SLC13A4: variants seen among roughly 807,000 people sequenced by gnomAD.
SLC13A4 encodes the protein solute carrier family 13 member 4.
Under a neutral mutation model 72.7 loss-of-function variants are expected in SLC13A4, and 28 were observed. The ratio of observed to expected loss-of-function variants is 0.39; its 90% confidence interval spans 0.29 to 0.53. SLC13A4 has a LOEUF of 0.53. SLC13A4 is among the 20% of genes least tolerant of loss of function. The probability of loss-of-function intolerance (pLI) is 0.78; values close to 1 mark genes in which losing one functional copy is unlikely to be tolerated. For synonymous variants in SLC13A4, 312 were observed against 325.5 expected (o/e 0.96, Z 0.45); for missense variants, 653 against 788.0 (o/e 0.83, Z 2.05).
rs921183664 is a variant in SLC13A4, at chr7:135,708,379, G to C, written c.229-129C>G. ...AAAGAGGCTGGCGAAGGGGAGGCAG[G>C]GGGGTGAGGATTATTGAAATAGCCG... On this transcript the variant is annotated intron_variant, in intron 2 of 15. Coordinates refer to ENST00000682651, the MANE Select transcript of SLC13A4 (RefSeq NM_001318192.2). 4.8e-5 allele frequency: 61 copies of C among 1,283,308 alleles called. 1 individual carries two copies. In the South Asian group the frequency reaches 6.1e-4, roughly 13 times the overall value. 79.5% of individuals were successfully genotyped at this position (1,283,308 alleles called of 1,614,324 possible). A position where few individuals can be genotyped will look rare whatever the true frequency, so the allele number is the denominator to read the frequency against.
At chr7:135,712,461 TAAA>T (rs539587817) in intron 2 of SLC13A4, among the ~76,000 whole-genome samples, 3 of 122,966 alleles carry the variant, frequency 2.4e-5, no homozygotes, top group Admixed American at 8.4e-5. Flanking sequence ...TTTTCTCATC[TAAA>T]AAAAAAAAAA....
rs1212328569 is a variant in SLC13A4, at chr7:135,720,146, G to A, written c.228+1249C>T. Among the ~76,000 whole-genome samples, 6 of 152,034 alleles carry A rather than the reference G, an allele frequency of 3.9e-5. No homozygotes were observed. In the East Asian group the frequency reaches 9.6e-4, roughly 24 times the overall value. ...GTCCATTAAAGCATCCATAGGCCCCGCTCCATTCTTCCTCATATCACAGAA... is the reference window on the plus strand; with the variant it reads ...GTCCATTAAAGCATCCATAGGCCCCACTCCATTCTTCCTCATATCACAGAA... On this transcript the variant is annotated intron_variant, in intron 2 of 15. Transcript: ENST00000682651.
In SLC13A4 at chr7:135,703,277, G is replaced by A. The variant is rs896797641; in HGVS notation, c.594-393C>T. 5 of 193,532 alleles carry A rather than the reference G, an allele frequency of 2.6e-5. No homozygotes were observed. In the South Asian group the frequency reaches 3.2e-4, roughly 12 times the overall value. 12.0% of individuals were successfully genotyped at this position (193,532 alleles called of 1,614,324 possible). On this transcript the variant is annotated intron_variant, in intron 5 of 15. Transcript: ENST00000682651. The stretch of plus-strand genomic sequence containing the variant: ...CCAGTACTTAGCACGGGGATGCTAA[G>A]TGGCAGAGGAGGGTAGGAGTCCAGG...
chr7:135,691,161 C>CAAAA, intron 13 of SLC13A4, 40 bp downstream of exon 13: 35 of 1,183,148 alleles, frequency 3.0e-5, no homozygotes, highest in East Asian at 6.1e-5. Context: ...AAGACTGTCT[C>CAAAA]AAAAAAAAAA....
At chr7:135,710,274 A>C (rs1000357611) in intron 2 of SLC13A4, among the ~76,000 whole-genome samples, 1 of 152,196 alleles carries the variant, frequency 6.6e-6, no homozygotes, top group Admixed American at 6.5e-5. Context: ...GCATATTGGG[A>C]GGATGGTAGA....
At chr7:135,700,152 C>A (rs992727775) in intron 7 of SLC13A4, among the ~76,000 whole-genome samples, 3 of 152,126 alleles carry the variant, frequency 2.0e-5, no homozygotes. Context: ...TTATTTCCTC[C>A]TTCCCTTCCT....
chr7:135,687,911 A>G (rs1335965522), intron 13 of SLC13A4, among the ~76,000 whole-genome samples: 3 of 152,082 alleles, frequency 2.0e-5, no homozygotes, highest in Non-Finnish European at 2.9e-5. Context: ...CCCGGGTCCA[A>G]ATGATTCTCA....
chr7:135,686,809 C>T (rs967090009), intron 13 of SLC13A4, among the ~76,000 whole-genome samples: 4 of 152,158 alleles, frequency 2.6e-5, no homozygotes, highest in Non-Finnish European at 5.9e-5. Flanking sequence ...GTAATACCAG[C>T]ACTTTAGGAG....
chr7:135,710,941 G>A (rs1465689774), intron 2 of SLC13A4, among the ~76,000 whole-genome samples: 6 of 146,496 alleles, frequency 4.1e-5, no homozygotes, highest in Non-Finnish European at 7.5e-5. Context: ...TGGACAGCTT[G>A]TGACTCCGTG....
chr7:135,711,050 G>A (rs1020903531), intron 2 of SLC13A4, among the ~76,000 whole-genome samples: 1 of 152,174 alleles, frequency 6.6e-6, no homozygotes, highest in Admixed American at 6.5e-5. Context: ...CTGCAGGATT[G>A]TCCTAGGGAA....
chr7:135,702,778 T>A, intron 6 of SLC13A4, 67 bp downstream of exon 6: 2 of 1,336,808 alleles, frequency 1.5e-6, no homozygotes, highest in Non-Finnish European at 2.2e-6. Flanking sequence ...GAATCTTGGG[T>A]TTCCATGAAG....
At chr7:135,685,058 A>G (rs1795591178) in intron 14 of SLC13A4, among the ~76,000 whole-genome samples, 1 of 152,160 alleles carries the variant, frequency 6.6e-6, no homozygotes, top group East Asian at 1.9e-4. Flanking sequence ...CCCGGAGGAC[A>G]GTGAAACTCA....
In SLC13A4 at chr7:135,711,963, A is replaced by ATTTTTTTTTTT. The variant is rs529940903; in HGVS notation, c.229-3724_229-3714dup. 1.3e-4 allele frequency among the ~76,000 whole-genome samples: 6 copies of ATTTTTTTTTTT among 46,900 alleles called. 1 individual carries two copies. Among genetic ancestry groups the ATTTTTTTTTTT allele is most frequent in the African/African-American group, 2.2e-4 (3 of 13,486 alleles). The allele number at this position is 46,900 out of a possible 152,430, so 30.8% of individuals were successfully genotyped here. ...CACTACACCTGGCTAATGTTTTTGG[A>ATTTTTTTTTTT]TTTTTTTTTTTTTTTTTTTTTTTTT... On this transcript the variant is annotated intron_variant, in intron 2 of 15. Coordinates refer to ENST00000682651, the MANE Select transcript of SLC13A4 (RefSeq NM_001318192.2).
intron 13 of SLC13A4, among the ~76,000 whole-genome samples, chr7:135,687,459 C>CAGTA (rs1795658237): frequency 6.6e-6 from 1 of 152,256 alleles, no homozygotes; most frequent in South Asian, 2.1e-4. Context: ...TTCATCTCTA[C>CAGTA]AGTACCCTGG....
intron 5 of SLC13A4, chr7:135,703,761 C>G (rs574920383): frequency 6.6e-6 from 1 of 152,246 alleles, no homozygotes; most frequent in Non-Finnish European, 1.5e-5. Context: ...GTGGGTCCTG[C>G]GGCCATGGTC....
At chr7:135,685,806 T>A in intron 13 of SLC13A4, 123 bp from the exon 14 acceptor site, 3 of 853,168 alleles carry the variant, frequency 3.5e-6, no homozygotes, top group Non-Finnish European at 5.6e-6. Flanking sequence ...TGATCTTTAG[T>A]CTGACTGGAA....
rs147600698 is a variant in SLC13A4, at chr7:135,707,793, A to G, written c.365+321T>C. 5.2e-3 allele frequency: 1,124 copies of G among 216,964 alleles called. 12 individuals carry two copies. Among genetic ancestry groups the G allele is most frequent in the African/African-American group, 0.024 (1,038 of 44,168 alleles). The allele number at this position is 216,964 out of a possible 1,614,324, so 13.4% of individuals were successfully genotyped here. On this transcript the variant is annotated intron_variant, in intron 3 of 15. Coordinates refer to ENST00000682651, the MANE Select transcript of SLC13A4 (RefSeq NM_001318192.2). The stretch of plus-strand genomic sequence containing the variant: ...CGGTCCAGCCTGTTCCCTGATACAC[A>G]GGAAACAGGTTGGGAAACAATTTCT...
intron 2 of SLC13A4, among the ~76,000 whole-genome samples, chr7:135,716,455 C>G: frequency 6.6e-6 from 1 of 152,144 alleles, no homozygotes; most frequent in Admixed American, 6.5e-5. Context: ...CAGGCATGCA[C>G]CACCATACCC....
chr7:135,686,294 A>G (rs3110793), intron 13 of SLC13A4, among the ~76,000 whole-genome samples: 150,082 of 152,300 alleles, frequency 0.99, 73,960 homozygotes, highest in Middle Eastern at 1. Context: ...TAAGTGCCAT[A>G]GAGGCTGGTC....
Sources: gnomAD v4.1 joint callset for allele counts (sites outside exome capture counted in the v4.1 genomes callset) on GRCh38, gnomAD v4.1.1 for gene constraint, MANE v1.5 for transcripts, NCBI Gene and HGNC (gene_info 2026-07-23, HGNC 2026-07-21) for gene names.